The following CA8 variants were observed in gnomAD, a reference collection of about 807,000 sequenced individuals.
The protein encoded by CA8 is carbonic anhydrase 8 (inactive).
A neutral mutation model predicts 41.4 loss-of-function variants in CA8; 22 were observed. That is an observed-to-expected ratio of 0.53 (90% CI 0.38 to 0.76). The LOEUF (loss-of-function observed/expected upper bound fraction) is 0.76. Ranked by LOEUF, CA8 falls within the 30% of genes least tolerant of loss-of-function variation. The probability of loss-of-function intolerance (pLI) is 0.00; values close to 1 mark genes in which losing one functional copy is unlikely to be tolerated. For missense variants in CA8, 270 were observed against 352.8 expected (o/e 0.77, Z 1.88); for synonymous variants, 121 against 130.6 (o/e 0.93, Z 0.50).
chr8:60,265,985 C>T lies in CA8; in HGVS notation c.357G>A (p.Trp119Ter). The T allele has an allele frequency of 6.2e-7, 1 of 1,613,978 alleles. No homozygotes were observed. ...CAGAACCACGCTGGTTTTCTCTTCC[C>T]CAGTGAAATCTCACTTCGTACAGTT... Reference protein sequence around the residue: ...EFELYEVRFHWGRENQRGSEH... With the variant: ...EFELYEVRFH Residue 119 changes from tryptophan (W) to a stop codon, truncating the protein, a stop_gained, in exon 3 of 9, where the codon TGG (tryptophan) becomes TGA (stop). Transcript: ENST00000317995. LOFTEE classifies it high-confidence loss of function.
intron 2 of CA8, among the ~76,000 whole-genome samples, chr8:60,277,333 CCACAGGCAGAAAGAGT>C (rs1458059478): frequency 6.6e-6 from 1 of 151,970 alleles, no homozygotes; most frequent in Non-Finnish European, 1.5e-5. Context: ...GCAGAAAGAA[CCACAGGCAGAAAGAGT>C]ATTATTCACC....
intron 3 of CA8, among the ~76,000 whole-genome samples, chr8:60,246,155 T>C (rs1020979689): frequency 1.3e-5 from 2 of 152,216 alleles, no homozygotes; most frequent in Non-Finnish European, 2.9e-5. Flanking sequence ...AACAAGTACA[T>C]ACACTGTACT....
intron 2 of CA8, among the ~76,000 whole-genome samples, chr8:60,275,136 G>A (rs1476552961): frequency 2.6e-5 from 4 of 152,140 alleles, no homozygotes; most frequent in Admixed American, 2.6e-4. Context: ...GCATATTCCA[G>A]ATAAACCAAT....
At chr8:60,229,902 G>A (rs553848924) in intron 4 of CA8, among the ~76,000 whole-genome samples, 91 of 152,144 alleles carry the variant, frequency 6.0e-4, no homozygotes, top group African/African-American at 2.0e-3. Flanking sequence ...CTCTCTGATG[G>A]ATCAACACGA....
intron 4 of CA8, among the ~76,000 whole-genome samples, chr8:60,229,797 C>T (rs142768888): frequency 8.4e-4 from 128 of 152,314 alleles, no homozygotes; most frequent in Middle Eastern, 3.4e-3. Context: ...TCTCCTTCCC[C>T]CTCCTGCCTA....
chr8:60,205,371 T>C (rs12677683), intron 8 of CA8, among the ~76,000 whole-genome samples: 8,490 of 152,286 alleles, frequency 0.056, 258 homozygotes, highest in South Asian at 0.1. Flanking sequence ...GCTAACACTT[T>C]ATGAAGTAAA....
At chr8:60,223,310 G>A (rs1807312954) in intron 6 of CA8, among the ~76,000 whole-genome samples, 1 of 151,848 alleles carries the variant, frequency 6.6e-6, no homozygotes, top group African/African-American at 2.4e-5. Context: ...TTTCTTAAGA[G>A]ACAGGGTCTG....
rs1355400605 is a variant in CA8 at position 60,208,753 on chromosome 8, C to CATGA, written c.*28_*31dup. The CATGA allele has an allele frequency of 1.9e-6, 3 of 1,613,746 alleles. No individual in the cohort carries two copies. The highest frequency in any genetic ancestry group is 2.5e-6 in the Non-Finnish European group (3 of 1,179,790). On this transcript the variant is annotated 3_prime_UTR_variant, in exon 8 of 9. Coordinates refer to ENST00000317995, the MANE Select transcript of CA8 (RefSeq NM_004056.6). ...TCCTTACTTAATCTGGACATACCCT[C>CATGA]ATGAAGACAGACTTGTTCCTGTCCT...
At chr8:60,202,714 C>CATACTCCCTATT (rs1185791341) in intron 8 of CA8, among the ~76,000 whole-genome samples, 1 of 152,148 alleles carries the variant, frequency 6.6e-6, no homozygotes, top group Non-Finnish European at 1.5e-5. Context: ...TAGACTCTAC[C>CATACTCCCTATT]ATACTCCCTA....
At position 60,208,292 on chromosome 8, in the gene CA8, C is replaced by A. The variant is rs115417987; in HGVS notation, c.*35+458G>T. 3.8e-3 allele frequency: 630 copies of A among 165,362 alleles called. 6 individuals carry two copies. The highest frequency in any genetic ancestry group is 0.015 in the African/African-American group (606 of 41,666). The allele number at this position is 165,362 out of a possible 1,614,324, so 10.2% of individuals were successfully genotyped here. A position where few individuals can be genotyped will look rare whatever the true frequency, so the allele number is the denominator to read the frequency against. ...TATTTCAATGCATGCCAGATATGCT[C>A]CCTCCCCTGAGAAACAAGAGGATCA... On this transcript the variant is annotated intron_variant, in intron 8 of 8. Transcript: ENST00000317995.
intron 3 of CA8, chr8:60,232,676 T>G (rs1461976277): frequency 4.0e-5 from 17 of 425,408 alleles, no homozygotes; most frequent in African/African-American, 3.4e-4. Context: ...TATCTTTCCT[T>G]GGATGTCATC....
rs1056146395 is a variant in CA8 at position 60,192,063 on chromosome 8, T to C, written c.*36-2078A>G. The stretch of plus-strand genomic sequence containing the variant: ...TGGGGAAACTCAATACCCTATGCTA[T>C]TGAGCTTTTCTTACTTATATATTTT... On this transcript the variant is annotated intron_variant, in intron 8 of 8. Coordinates refer to ENST00000317995, the MANE Select transcript of CA8 (RefSeq NM_004056.6). 2.0e-5 allele frequency among the ~76,000 whole-genome samples: 3 copies of C among 152,224 alleles called. No homozygotes were observed. The South Asian group carries it at 6.2e-4, about 32-fold the overall frequency.
intron 8 of CA8, among the ~76,000 whole-genome samples, chr8:60,192,563 G>A (rs1157637778): frequency 6.6e-6 from 1 of 152,122 alleles, no homozygotes; most frequent in South Asian, 2.1e-4. Flanking sequence ...ATAGGATAAA[G>A]TAATGCTTGG....
chr8:60,232,512 C>T, intron 3 of CA8, 133 bp from the exon 4 acceptor site: 10 of 745,744 alleles, frequency 1.3e-5, no homozygotes, highest in South Asian at 1.3e-4. Context: ...TAGACACAAA[C>T]TACTGGCTTA....
intron 2 of CA8, among the ~76,000 whole-genome samples, chr8:60,270,024 G>A (rs1804019916): frequency 6.6e-6 from 1 of 152,196 alleles, no homozygotes; most frequent in Admixed American, 6.5e-5. Context: ...GAGACATGAA[G>A]CAGCTTAAGA....
At chr8:60,262,173 G>A (rs546127164) in intron 3 of CA8, among the ~76,000 whole-genome samples, 24 of 152,246 alleles carry the variant, frequency 1.6e-4, no homozygotes, top group African/African-American at 5.8e-4. Flanking sequence ...AAAGATGGCA[G>A]TGTCCACAAA....
At position 60,247,008 on chromosome 8, in the gene CA8, C is replaced by A. The variant is rs540270596; in HGVS notation, c.418-14629G>T. 1.9e-4 allele frequency among the ~76,000 whole-genome samples: 28 copies of A among 151,058 alleles called. No individual in the cohort carries two copies. The South Asian group carries it at 5.9e-3, about 32-fold the overall frequency. Reference sequence around the variant, plus strand: ...ACGCCATTCTCCTGCCTCAGCCTCCCGAGTAGCTGGGACTACAGGCGCCCG... The same window carrying A: ...ACGCCATTCTCCTGCCTCAGCCTCCAGAGTAGCTGGGACTACAGGCGCCCG... On this transcript the variant is annotated intron_variant, in intron 3 of 8. Coordinates refer to ENST00000317995, the MANE Select transcript of CA8 (RefSeq NM_004056.6).
At chr8:60,265,425 T>C (rs1803870062) in intron 3 of CA8, 1 of 159,324 alleles carries the variant, frequency 6.3e-6, no homozygotes, top group African/African-American at 2.4e-5. Context: ...ACTAAGAACG[T>C]AAGTCGGGGA....
intron 2 of CA8, 69 bp from the exon 3 acceptor site, chr8:60,266,118 T>C (rs1585925119): frequency 6.0e-6 from 1 of 165,298 alleles, no homozygotes; most frequent in Non-Finnish European, 7.7e-6. Flanking sequence ...CATTAGAGAC[T>C]TTTTTTTTTT....
Sources: gnomAD v4.1 joint callset for allele counts (sites outside exome capture counted in the v4.1 genomes callset) on GRCh38, gnomAD v4.1.1 for gene constraint, MANE v1.5 for transcripts, NCBI Gene and HGNC (gene_info 2026-07-23, HGNC 2026-07-21) for gene names.